The following COPS3 variants were observed in gnomAD, a reference collection of about 807,000 sequenced individuals.
The protein encoded by COPS3 is COP9 signalosome subunit 3.
In COPS3, 10 loss-of-function variants were observed where a neutral mutation model predicts 58.2. The ratio of observed to expected loss-of-function variants is 0.17; its 90% CI spans 0.11 to 0.29. The LOEUF (loss-of-function observed/expected upper bound fraction) is 0.29, where lower values mean the gene tolerates loss of function less well. COPS3 is among the 10% of genes least tolerant of loss of function. The pLI is 1.00. For synonymous variants in COPS3, 187 were observed against 181.7 expected (o/e 1.03, Z -0.24); for missense variants, 333 against 510.1 (o/e 0.65, Z 3.34).
chr17:17,268,823 AAACAACAAC>A (rs144926116), intron 4 of COPS3, among the ~76,000 whole-genome samples: 9 of 147,644 alleles, frequency 6.1e-5, no homozygotes, highest in Non-Finnish European at 1.2e-4. Flanking sequence ...CATCTCAAAA[AAACAACAAC>A]AACAACAACA....
At chr17:17,274,109 T>C (rs2048409178) in intron 2 of COPS3, among the ~76,000 whole-genome samples, 2 of 152,186 alleles carry the variant, frequency 1.3e-5, no homozygotes, top group Admixed American at 6.5e-5. Flanking sequence ...ATTTTGAAGG[T>C]ATAAGGTGTT....
At chr17:17,254,129 C>T (rs749551633) in intron 9 of COPS3, among the ~76,000 whole-genome samples, 1 of 151,640 alleles carries the variant, frequency 6.6e-6, no homozygotes, top group Non-Finnish European at 1.5e-5. Context: ...ATGGAGAAAC[C>T]CCATCTCTTC....
chr17:17,247,353 C>A, intron 11 of COPS3, 127 bp downstream of exon 11: 1 of 992,930 alleles, frequency 1.0e-6, no homozygotes, highest in Non-Finnish European at 1.6e-6. Flanking sequence ...TAGTATTTCT[C>A]CATGACCGTA....
intron 4 of COPS3, among the ~76,000 whole-genome samples, chr17:17,268,663 A>G (rs2048278734): frequency 6.6e-6 from 1 of 152,120 alleles, no homozygotes; most frequent in South Asian, 2.1e-4. Flanking sequence ...TACTAAAAAT[A>G]CAAAAATTAG....
At chr17:17,265,341 G>C (rs1485105554) in intron 5 of COPS3, among the ~76,000 whole-genome samples, 4 of 151,686 alleles carry the variant, frequency 2.6e-5, no homozygotes, top group African/African-American at 9.7e-5. Context: ...CAAATTTTCA[G>C]ATTAGGAATA....
At chr17:17,260,802 C>CAAA (rs374998521) in intron 7 of COPS3, 47 of 89,852 alleles carry the variant, frequency 5.2e-4, no homozygotes, top group African/African-American at 1.5e-3. Context: ...AACTCCGTCT[C>CAAA]AAAAAAAAAA....
At chr17:17,262,827 C>G (rs113920158) in intron 6 of COPS3, among the ~76,000 whole-genome samples, 4 of 152,242 alleles carry the variant, frequency 2.6e-5, no homozygotes, top group African/African-American at 9.6e-5. Context: ...TACTCCTGAG[C>G]TCAAGCAATG....
At position 17,276,689 on chromosome 17, in the gene COPS3, C is replaced by T. The variant is rs191657731; in HGVS notation, c.56-525G>A. Among the ~76,000 whole-genome samples, 10 of 152,194 alleles carry T rather than the reference C, an allele frequency of 6.6e-5. No individual in the cohort carries two copies. The East Asian group carries it at 1.7e-3, about 26-fold the overall frequency. The stretch of plus-strand genomic sequence containing the variant: ...GTTCAAGCAATTCTCCTGCCTCAGC[C>T]TCCCAAATAGCTGGGATTACAGGCG... On this transcript the variant is annotated intron_variant, in intron 1 of 11. Transcript: ENST00000268717.
At chr17:17,267,042 T>TA (rs1337235741) in intron 5 of COPS3, among the ~76,000 whole-genome samples, 1 of 149,074 alleles carries the variant, frequency 6.7e-6, no homozygotes, top group East Asian at 2.1e-4. Context: ...TTCGGGATTT[T>TA]AAAAAAAGTT....
intron 4 of COPS3, among the ~76,000 whole-genome samples, chr17:17,270,058 G>A (rs760763458): frequency 2.6e-5 from 4 of 152,058 alleles, no homozygotes; most frequent in Non-Finnish European, 4.4e-5. Flanking sequence ...TCAGGAGGCT[G>A]AGGCAGAAGA....
chr17:17,267,198 C>G (rs1271007448), intron 5 of COPS3, among the ~76,000 whole-genome samples: 4 of 151,368 alleles, frequency 2.6e-5, no homozygotes, highest in African/African-American at 7.3e-5. Context: ...ATTAGCCAGG[C>G]GTGATAGCGG....
At chr17:17,268,138 G>T in intron 4 of COPS3, 161 bp from the exon 5 acceptor site, 1 of 1,099,002 alleles carries the variant, frequency 9.1e-7, no homozygotes, top group Non-Finnish European at 1.2e-6. Flanking sequence ...TCCCATTTAA[G>T]TCAGAAAACT....
At chr17:17,249,482 C>T (rs903216574) in intron 9 of COPS3, among the ~76,000 whole-genome samples, 1 of 152,012 alleles carries the variant, frequency 6.6e-6, no homozygotes, top group Non-Finnish European at 1.5e-5. Flanking sequence ...CGCCACCACA[C>T]CAGGCTAATT....
intron 5 of COPS3, among the ~76,000 whole-genome samples, chr17:17,265,319 T>C (rs7220827): frequency 0.8 from 121,049 of 151,914 alleles, 49,171 homozygotes; most frequent in East Asian, 0.99. Context: ...TTCAAATTTT[T>C]GGATTGGGTT....
chr17:17,271,744 C>T (rs1163384232), intron 2 of COPS3, among the ~76,000 whole-genome samples: 2 of 148,822 alleles, frequency 1.3e-5, no homozygotes, highest in Non-Finnish European at 3.0e-5. Flanking sequence ...TGCTTGAACC[C>T]GGGAGGTGGA....
chr17:17,254,686 C>G (rs978007025), intron 9 of COPS3, among the ~76,000 whole-genome samples, 173 bp downstream of exon 9: 1 of 151,868 alleles, frequency 6.6e-6, no homozygotes, highest in African/African-American at 2.4e-5. Flanking sequence ...TGGCGCATGC[C>G]TGTAGTCCCA....
intron 1 of COPS3, among the ~76,000 whole-genome samples, chr17:17,278,723 A>C (rs1030376158): frequency 5.9e-5 from 9 of 152,188 alleles, no homozygotes; most frequent in Non-Finnish European, 1.2e-4. Flanking sequence ...ATCAGTGCCC[A>C]GTTGAGACTG....
chr17:17,280,883 CG>C (rs1168003926), intron 1 of COPS3: 16 of 1,031,048 alleles, frequency 1.6e-5, no homozygotes, highest in Non-Finnish European at 1.9e-5. Context: ...GGGCCCAGGC[CG>C]GGGGGAGGGG....
intron 9 of COPS3, among the ~76,000 whole-genome samples, chr17:17,254,587 A>G (rs894776841): frequency 1.5e-3 from 235 of 152,210 alleles, no homozygotes; most frequent in African/African-American, 5.5e-3. Flanking sequence ...CGAGGCGGGC[A>G]GATCACGTGG....
Sources: allele counts gnomAD v4.1 joint callset (sites outside exome capture counted in the v4.1 genomes callset), GRCh38; gene constraint gnomAD v4.1.1; transcripts MANE v1.5; gene names NCBI Gene and HGNC (gene_info 2026-07-23, HGNC 2026-07-21).